NHS: variants seen among roughly 807,000 people sequenced by gnomAD.
NHS encodes the protein actin remodeling regulator NHS.
NHS carries 5 observed loss-of-function variants against 72.5 expected under a neutral mutation model. That is an observed-to-expected ratio of 0.07 (90% CI 0.04 to 0.14). The LOEUF is 0.14. Ranked by LOEUF, NHS falls within the 10% of genes least tolerant of loss-of-function variation. NHS has a pLI of 1.00. For missense variants in NHS, 1,072 were observed against 1,355.7 expected (o/e 0.79, Z 3.29); for synonymous variants, 464 against 547.7 (o/e 0.85, Z 2.13).
chrX:17,537,376 C>T (rs761487579), intron 1 of NHS, among the ~76,000 whole-genome samples: 1 of 112,517 alleles, frequency 8.9e-6, no homozygotes, highest in Admixed American at 9.4e-5. Context: ...GACAGAATCT[C>T]TTTGGATGAG....
intron 1 of NHS, among the ~76,000 whole-genome samples, chrX:17,531,616 C>T (rs1052043892): frequency 1.8e-5 from 2 of 112,991 alleles, no homozygotes; most frequent in Admixed American, 9.3e-5. Context: ...CACCATTGGT[C>T]GTAGCCTACA....
At chrX:17,564,099 C>T (rs1395326769) in intron 1 of NHS, among the ~76,000 whole-genome samples, 1 of 111,619 alleles carries the variant, frequency 9.0e-6, no homozygotes, top group Non-Finnish European at 1.9e-5. Context: ...ACAATTACCT[C>T]GCAGATCAAT....
chrX:17,454,349 G>C (rs1178117814), intron 1 of NHS, among the ~76,000 whole-genome samples: 1 of 111,874 alleles, frequency 8.9e-6, no homozygotes, highest in East Asian at 2.8e-4. Context: ...ACTCCTCATG[G>C]ACACCATCTG....
In NHS at chrX:17,725,863, G is replaced by A. The variant is rs779063064; in HGVS notation, c.1757G>A (p.Arg586Gln). ...GAGAGGGGAAGGTCACGTCTGTCCC[G>A]AATGGCTGCTGACTCTGGCAGCTGT... ...LSERGRSRLSRMAADSGSCDI... is the reference protein window; with the variant it reads ...LSERGRSRLSQMAADSGSCDI... Residue 586 changes from arginine to glutamine, a missense_variant, in exon 7 of 9, where the codon CGA becomes CAA. Transcript: ENST00000676302. 7.4e-5 allele frequency: 90 copies of A among 1,209,515 alleles called. No homozygotes were observed. Among genetic ancestry groups the A allele is most frequent in the Non-Finnish European group, 9.6e-5 (86 of 895,142 alleles).
chrX:17,489,840 T>C (rs1227817101), intron 1 of NHS, among the ~76,000 whole-genome samples: 1 of 112,206 alleles, frequency 8.9e-6, no homozygotes, highest in Non-Finnish European at 1.9e-5. Flanking sequence ...TGAGATGGTA[T>C]CTCATTGTGG....
intron 1 of NHS, among the ~76,000 whole-genome samples, chrX:17,416,198 A>G (rs1243738162): frequency 9.0e-6 from 1 of 110,996 alleles, no homozygotes; most frequent in Non-Finnish European, 1.9e-5. Context: ...CAACGTTTTC[A>G]TCTTAAACCA....
chrX:17,725,156 A>G (rs1389789902), intron 6 of NHS, among the ~76,000 whole-genome samples, 191 bp from the exon 7 acceptor site: 2 of 110,187 alleles, frequency 1.8e-5, no homozygotes, highest in Non-Finnish European at 3.8e-5. Context: ...ATATACATAT[A>G]TGAGGGGGAC....
At chrX:17,662,966 C>T (rs1284545585) in intron 1 of NHS, among the ~76,000 whole-genome samples, 1 of 111,796 alleles carries the variant, frequency 8.9e-6, no homozygotes, top group Non-Finnish European at 1.9e-5. Context: ...ATGGTGTTGA[C>T]TCCCAGGAAA....
At chrX:17,524,404 G>A (rs995300383) in intron 1 of NHS, among the ~76,000 whole-genome samples, 13 of 111,967 alleles carry the variant, frequency 1.2e-4, no homozygotes, top group African/African-American at 2.9e-4. Context: ...TATGTAACCT[G>A]TGTCCCAATA....
intron 1 of NHS, among the ~76,000 whole-genome samples, chrX:17,667,804 G>C: frequency 9.0e-6 from 1 of 110,697 alleles, no homozygotes; most frequent in Middle Eastern, 4.6e-3. Flanking sequence ...GATTTGGCAA[G>C]GAGAGGGGGC....
At chrX:17,396,693 C>T (rs545057092) in intron 1 of NHS, among the ~76,000 whole-genome samples, 5 of 111,877 alleles carry the variant, frequency 4.5e-5, no homozygotes, top group South Asian at 7.6e-4. Flanking sequence ...AAGTAAGATG[C>T]CTACTCTGCT....
At chrX:17,721,215 A>G (rs891974305) in intron 4 of NHS, among the ~76,000 whole-genome samples, 13 of 112,084 alleles carry the variant, frequency 1.2e-4, no homozygotes, top group African/African-American at 4.2e-4. Context: ...AATTCCATTT[A>G]ACCTGAGAAG....
chrX:17,434,605 AGCTAATTTTTTGTATTTTTAGTAGAGAC>A (rs2064712390), intron 1 of NHS, among the ~76,000 whole-genome samples: 1 of 109,343 alleles, frequency 9.1e-6, no homozygotes, highest in South Asian at 4.1e-4. Context: ...CACCACGCCC[AGCTAATTTTTTGTATTTTTAGTAGAGAC>A]GGGGTTTCAC....
intron 4 of NHS, among the ~76,000 whole-genome samples, chrX:17,719,649 A>G (rs899166996): frequency 5.5e-5 from 6 of 109,965 alleles, no homozygotes; most frequent in Non-Finnish European, 1.1e-4. Context: ...ATCACCTAAC[A>G]CTACTCTTGG....
intron 1 of NHS, among the ~76,000 whole-genome samples, chrX:17,430,760 G>T (rs1320794827): frequency 8.9e-6 from 1 of 111,991 alleles, no homozygotes; most frequent in Non-Finnish European, 1.9e-5. Context: ...CTTTCCCTTA[G>T]CATGATGTTT....
chrX:17,608,444 G>A (rs771905813), intron 1 of NHS, among the ~76,000 whole-genome samples: 3 of 111,998 alleles, frequency 2.7e-5, no homozygotes, highest in East Asian at 2.8e-4. Flanking sequence ...CTCAAAAATC[G>A]TTTTTGTTCA....
At chrX:17,553,311 T>C (rs2065346056) in intron 1 of NHS, among the ~76,000 whole-genome samples, 1 of 112,446 alleles carries the variant, frequency 8.9e-6, no homozygotes, top group African/African-American at 3.2e-5. Context: ...GAGCTGGCAA[T>C]GAGATGGTTA....
chrX:17,527,489 CTCTT>C (rs760909354), intron 1 of NHS, among the ~76,000 whole-genome samples: 1 of 112,919 alleles, frequency 8.9e-6, no homozygotes, highest in South Asian at 3.6e-4. Flanking sequence ...GGCCCTCTCT[CTCTT>C]TGCTTCTATT....
chrX:17,454,813 C>G (rs930128802), intron 1 of NHS, among the ~76,000 whole-genome samples: 6 of 112,123 alleles, frequency 5.4e-5, no homozygotes, highest in African/African-American at 1.9e-4. Flanking sequence ...AGCTTCATGT[C>G]AATTTCTTCT....
Sources: allele counts gnomAD v4.1 joint callset (sites outside exome capture counted in the v4.1 genomes callset), GRCh38; gene constraint gnomAD v4.1.1; transcripts MANE v1.5; gene names NCBI Gene and HGNC (gene_info 2026-07-23, HGNC 2026-07-21).